PCDHA1: variants seen among roughly 807,000 people sequenced by gnomAD.
PCDHA1 encodes the protein protocadherin alpha-1.
PCDHA1 carries 42 observed loss-of-function variants against 61.3 expected under a neutral mutation model. The observed-to-expected ratio is 0.69, with a 90% CI of 0.54 to 0.89. The LOEUF is 0.89. PCDHA1 is among the 40% of genes least tolerant of loss of function. PCDHA1 has a pLI of 0.00. For synonymous variants in PCDHA1, 610 were observed against 553.8 expected, an observed-to-expected ratio of 1.10 and a Z score of -1.43; for missense variants, 1,256 against 1,235.3, an observed-to-expected ratio of 1.02 and a Z score of -0.25.
chr5:140,933,938 T>C (rs1275274532), intron 1 of PCDHA1, among the ~76,000 whole-genome samples: 1 of 152,108 alleles, frequency 6.6e-6, no homozygotes, highest in Non-Finnish European at 1.5e-5. Context: ...TGACTTTTTT[T>C]CACATCTGCA....
chr5:140,884,837 C>A, intron 1 of PCDHA1: 4 of 902,438 alleles, frequency 4.4e-6, no homozygotes, highest in Non-Finnish European at 6.3e-6. Flanking sequence ...GATTATCCTT[C>A]AGAGTGAAAT....
intron 1 of PCDHA1, chr5:140,968,523 A>G (rs1441549667): frequency 8.1e-6 from 13 of 1,613,762 alleles, no homozygotes; most frequent in African/African-American, 1.3e-5. Flanking sequence ...ACCTCAACCA[A>G]CTCGTCAGCA....
intron 1 of PCDHA1, chr5:140,796,839 GC>G: frequency 6.2e-7 from 1 of 1,614,102 alleles, no homozygotes; most frequent in Non-Finnish European, 8.5e-7. Context: ...TCCGCGTGGG[GC>G]TATACACGGG....
chr5:140,807,863 G>A (rs529221273), intron 1 of PCDHA1: 5 of 1,614,064 alleles, frequency 3.1e-6, no homozygotes, highest in Admixed American at 1.7e-5. Context: ...GACTGGCACC[G>A]TTCAGTTACT....
In PCDHA1 at chr5:140,848,468, C is replaced by G. The variant is rs983897735; in HGVS notation, c.2394+59784C>G. 7.1e-6 allele frequency: 11 copies of G among 1,547,824 alleles called. 2 individuals are homozygous for G. Among genetic ancestry groups the G allele is most frequent in the Non-Finnish European group, 9.6e-6 (11 of 1,140,172 alleles). On this transcript the variant is annotated intron_variant, in intron 1 of 3. Transcript: ENST00000504120. The stretch of plus-strand genomic sequence containing the variant: ...TCTTCTAATTTGGAGGCAATTTTCA[C>G]TAATTAGAAGAAGACTGAGTATTTG...
chr5:140,841,588 G>C, intron 1 of PCDHA1: 1 of 1,614,070 alleles, frequency 6.2e-7, no homozygotes. Context: ...TGAATTCTCG[G>C]ATCGACCGCG....
chr5:140,854,000 CA>C (rs112540154), intron 1 of PCDHA1: 19,868 of 339,900 alleles, frequency 0.058, 122 homozygotes, highest in Non-Finnish European at 0.062. Context: ...TCATCTCTGC[CA>C]AAAAAAAAAA....
At position 140,850,728 on chromosome 5, in the gene PCDHA1, G is replaced by A. The variant is rs2150496245; in HGVS notation, c.2394+62044G>A. The A allele has an allele frequency of 8.1e-6, 13 of 1,598,072 alleles. 2 individuals are homozygous for A. Among genetic ancestry groups the A allele is most frequent in the Non-Finnish European group, 1.1e-5 (13 of 1,167,642 alleles). The stretch of plus-strand genomic sequence containing the variant: ...GCCGACGCTGGTGTGTTCTAGCGCG[G>A]TGGGGAGTTGGTCGTACTCGCAGCA... On this transcript the variant is annotated intron_variant, in intron 1 of 3. Coordinates refer to ENST00000504120, the MANE Select transcript of PCDHA1 (RefSeq NM_018900.4).
rs7707310 is a variant in PCDHA1, at chr5:140,803,680, G to T, written c.2394+14996G>T. 12,241 of 1,584,414 alleles carry T rather than the reference G, an allele frequency of 7.7e-3. 807 individuals are homozygous for T. In the African/African-American group the frequency reaches 0.14, roughly 19 times the overall value. On this transcript the variant is annotated intron_variant, in intron 1 of 3. Coordinates refer to ENST00000504120, the MANE Select transcript of PCDHA1 (RefSeq NM_018900.4). ...CCTCTGGAAATACATTAATAGTTAA[G>T]TATGAATTATGTGATTCATAATTAG...
rs942533344 is a variant in PCDHA1, at chr5:140,870,223, T to A, written c.2394+81539T>A. The A allele has an allele frequency of 3.4e-5, 55 of 1,614,052 alleles. No homozygotes were observed. The highest frequency in any genetic ancestry group is 4.5e-5 in the Non-Finnish European group (53 of 1,180,044). On this transcript the variant is annotated intron_variant, in intron 1 of 3. Coordinates refer to ENST00000504120, the MANE Select transcript of PCDHA1 (RefSeq NM_018900.4). ...CACGGTCATTGCCCTGATCAGCGTG[T>A]CTGACCGTGACTCAGGTGTCAACGG...
rs782336467 is a variant in PCDHA1 at position 140,787,765 on chromosome 5, A to C, written c.1475A>C (p.Tyr492Ser). Reference protein sequence around the residue: ...ADAQENALVSYSLVERRVGER... With the variant: ...ADAQENALVSSSLVERRVGER... ...GCGCAGGAGAACGCGCTGGTGTCCT[A>C]TTCGCTGGTGGAACGGCGGGTGGGC... is the stretch of plus-strand genomic sequence containing the variant. Residue 492 changes from tyrosine to serine, a missense_variant, in exon 1 of 4, where the codon TAT becomes TCT. Physicochemically the swap from Tyr to Ser is moderately radical, Grantham distance 144 (BLOSUM62 -2). Coordinates refer to ENST00000504120, the MANE Select transcript of PCDHA1 (RefSeq NM_018900.4). 6.2e-7 allele frequency: 1 copy of C among 1,613,156 alleles called. No homozygotes were observed.
chr5:140,873,098 T>C (rs1281569389), intron 1 of PCDHA1, among the ~76,000 whole-genome samples: 1 of 152,200 alleles, frequency 6.6e-6, no homozygotes, highest in Non-Finnish European at 1.5e-5. Flanking sequence ...TATAGAGGCA[T>C]AACATACCAT....
chr5:140,835,663 C>T (rs1249758735), intron 1 of PCDHA1: 8 of 1,613,782 alleles, frequency 5.0e-6, no homozygotes, highest in Non-Finnish European at 6.8e-6. Flanking sequence ...GTGGTTACCG[C>T]GCGGGACGGG....
At chr5:140,808,921 C>G in intron 1 of PCDHA1, 3 of 1,613,590 alleles carry the variant, frequency 1.9e-6, no homozygotes, top group Non-Finnish European at 2.5e-6. Flanking sequence ...GCGCAGTGAG[C>G]GAGCTGGTGC....
intron 3 of PCDHA1, among the ~76,000 whole-genome samples, chr5:141,002,161 G>T (rs1554258540): frequency 6.6e-6 from 1 of 152,208 alleles, no homozygotes; most frequent in Non-Finnish European, 1.5e-5. Flanking sequence ...CAGAGTGGGC[G>T]GTAGGCAGGC....
intron 1 of PCDHA1, chr5:140,851,464 T>A: frequency 1.1e-6 from 1 of 895,470 alleles, no homozygotes; most frequent in Non-Finnish European, 1.4e-6. Flanking sequence ...TCAAATTATG[T>A]CAATAAATGT....
At chr5:140,851,471 A>G in intron 1 of PCDHA1, 5 of 893,550 alleles carry the variant, frequency 5.6e-6, no homozygotes, top group Non-Finnish European at 6.8e-6. Context: ...ATGTCAATAA[A>G]TGTTATAAAC....
intron 1 of PCDHA1, chr5:140,969,388 A>G: frequency 6.3e-7 from 1 of 1,595,066 alleles, no homozygotes; most frequent in Non-Finnish European, 8.5e-7. Flanking sequence ...CACATCCCCC[A>G]ATATCCTGTG....
rs141822998 is a variant in PCDHA1 at position 140,801,109 on chromosome 5, G to A, written c.2394+12425G>A. 3.2e-3 allele frequency: 4,863 copies of A among 1,510,728 alleles called. 15 individuals carry two copies. The highest frequency in any genetic ancestry group is 3.9e-3 in the Non-Finnish European group (4,472 of 1,135,712). The allele number at this position is 1,510,728 out of a possible 1,614,324, so 93.6% of individuals were successfully genotyped here. ...CATCCTCTCTAAAATTTAACACCGA[G>A]GAGTTTAAGAAATGAAGATAAGGAA... is the stretch of plus-strand genomic sequence containing the variant. On this transcript the variant is annotated intron_variant, in intron 1 of 3. Transcript: ENST00000504120.
Sources: gnomAD v4.1 joint callset for allele counts (sites outside exome capture counted in the v4.1 genomes callset) on GRCh38, gnomAD v4.1.1 for gene constraint, MANE v1.5 for transcripts, NCBI Gene and HGNC (gene_info 2026-07-23, HGNC 2026-07-21) for gene names.